Variants in SPATA17 observed in about 807,000 individuals in gnomAD.
SPATA17 encodes the protein spermatogenesis-associated protein 17.
In SPATA17, 53 loss-of-function variants were observed where a neutral mutation model predicts 62.2. The ratio of observed to expected loss-of-function variants is 0.85; its 90% CI spans 0.68 to 1.07. SPATA17 has a LOEUF of 1.07. Among genes scored for constraint, SPATA17 ranks in the 50% least tolerant of loss-of-function variants. The pLI is 0.00. For missense variants in SPATA17, 466 were observed against 425.5 expected (o/e 1.10, Z -0.84); for synonymous variants, 146 against 146.8 (o/e 0.99, Z 0.04).
In SPATA17 at chr1:217,730,219, AT is replaced by A. The variant is rs200764601; in HGVS notation, c.396-11740del. The stretch of plus-strand genomic sequence containing the variant: ...AATGAACAATGTCTTCAGTAAAGTG[AT>A]TTTTTTTTTTTTTTTGAGATGGAGT... On this transcript the variant is annotated intron_variant, in intron 5 of 10. Transcript: ENST00000366933. 8.5e-3 allele frequency among the ~76,000 whole-genome samples: 1,206 copies of A among 141,892 alleles called. 5 individuals carry two copies. Among genetic ancestry groups the A allele is most frequent in the African/African-American group, 0.021 (801 of 38,888 alleles). 93.1% of individuals were successfully genotyped at this position (141,892 alleles called of 152,430 possible). A position where few individuals can be genotyped will look rare whatever the true frequency, so the allele number is the denominator to read the frequency against.
rs1676118804 is a variant in SPATA17 at position 217,871,024 on chromosome 1, T to C, written c.*4005T>C. ...ACCATTTGTCATTTGAATGCGTGCA[T>C]TGTGGCCTGTTACTTTTAACTAGTC... On this transcript the variant is annotated 3_prime_UTR_variant, in exon 11 of 11. Transcript: ENST00000366933. 1 of 152,146 alleles carries C rather than the reference T, an allele frequency of 6.6e-6. No individual in the cohort carries two copies. Among genetic ancestry groups the C allele is most frequent in the Non-Finnish European group, 1.5e-5 (1 of 67,980 alleles). The allele number at this position is 152,146 out of a possible 1,614,324, so 9.4% of individuals were successfully genotyped here.
intron 5 of SPATA17, among the ~76,000 whole-genome samples, chr1:217,722,642 ATCTT>A (rs1286121377): frequency 1.3e-5 from 2 of 152,184 alleles, no homozygotes; most frequent in Admixed American, 6.5e-5. Context: ...CAAAGAATAA[ATCTT>A]TTTCCAATTA....
At chr1:217,747,456 G>A (rs1325707986) in intron 6 of SPATA17, among the ~76,000 whole-genome samples, 2 of 152,050 alleles carry the variant, frequency 1.3e-5, no homozygotes, top group Non-Finnish European at 2.9e-5. Flanking sequence ...TCTTCCTGGA[G>A]ATTAGAAAAA....
chr1:217,669,166 A>C, intron 4 of SPATA17, 83 bp downstream of exon 4: 6 of 1,221,182 alleles, frequency 4.9e-6, no homozygotes, highest in Non-Finnish European at 7.1e-6. Flanking sequence ...AAAGCAGAAT[A>C]ATGCAAATTT....
At chr1:217,758,711 G>T (rs1003863277) in intron 6 of SPATA17, among the ~76,000 whole-genome samples, 4 of 152,182 alleles carry the variant, frequency 2.6e-5, no homozygotes, top group Non-Finnish European at 4.4e-5. Flanking sequence ...ACTCAGATGA[G>T]CAAGGAACTA....
intron 6 of SPATA17, among the ~76,000 whole-genome samples, chr1:217,762,028 C>T (rs1673184016): frequency 6.6e-6 from 1 of 152,150 alleles, no homozygotes; most frequent in African/African-American, 2.4e-5. Flanking sequence ...TTTCTGACCT[C>T]CTTCATGAAA....
intron 6 of SPATA17, among the ~76,000 whole-genome samples, chr1:217,766,431 T>A (rs948451660): frequency 6.6e-6 from 1 of 152,012 alleles, no homozygotes; most frequent in African/African-American, 2.4e-5. Context: ...CAAGTAACAC[T>A]ATACCACTTC....
At chr1:217,711,243 G>C (rs988171372) in intron 5 of SPATA17, among the ~76,000 whole-genome samples, 1 of 152,096 alleles carries the variant, frequency 6.6e-6, no homozygotes, top group African/African-American at 2.4e-5. Flanking sequence ...CATCACCCAG[G>C]TAATAAACAT....
intron 7 of SPATA17, among the ~76,000 whole-genome samples, chr1:217,781,807 G>A (rs950742571): frequency 6.6e-6 from 1 of 151,914 alleles, no homozygotes; most frequent in Non-Finnish European, 1.5e-5. Context: ...CCTAATATTT[G>A]TATTTACTCA....
At chr1:217,688,237 TA>T (rs1291219790) in intron 5 of SPATA17, among the ~76,000 whole-genome samples, 4 of 151,744 alleles carry the variant, frequency 2.6e-5, no homozygotes, top group Non-Finnish European at 2.9e-5. Flanking sequence ...ACTCTTTCTC[TA>T]AAAAAAATAA....
At chr1:217,645,520 G>T (rs571452295) in intron 1 of SPATA17, among the ~76,000 whole-genome samples, 2 of 152,078 alleles carry the variant, frequency 1.3e-5, no homozygotes, top group African/African-American at 4.8e-5. Flanking sequence ...TAATTTAAAT[G>T]GACTATATTA....
intron 7 of SPATA17, among the ~76,000 whole-genome samples, chr1:217,778,509 A>T (rs1009878176): frequency 2.0e-5 from 3 of 152,188 alleles, no homozygotes; most frequent in African/African-American, 7.2e-5. Flanking sequence ...TGAGAGAGCA[A>T]GACTCCATCC....
chr1:217,645,653 A>T (rs1387250347), intron 1 of SPATA17, among the ~76,000 whole-genome samples: 1 of 152,142 alleles, frequency 6.6e-6, no homozygotes, highest in Non-Finnish European at 1.5e-5. Flanking sequence ...TTATTGAATG[A>T]AATTATTCTT....
At chr1:217,837,635 G>C (rs758326995) in intron 9 of SPATA17, among the ~76,000 whole-genome samples, 1 of 151,966 alleles carries the variant, frequency 6.6e-6, no homozygotes, top group African/African-American at 2.4e-5. Flanking sequence ...CTGGCCCTGC[G>C]TGTAGCTATA....
chr1:217,743,981 A>G (rs1056071943), intron 6 of SPATA17, among the ~76,000 whole-genome samples: 10 of 152,146 alleles, frequency 6.6e-5, no homozygotes, highest in African/African-American at 2.4e-4. Context: ...GATACTGAGT[A>G]TCTAGTGAAA....
intron 5 of SPATA17, among the ~76,000 whole-genome samples, chr1:217,707,896 GA>G (rs1202301395): frequency 6.6e-6 from 1 of 152,084 alleles, no homozygotes. Context: ...TCCTTGTTAA[GA>G]AAATTCCTCA....
At chr1:217,642,647 T>C (rs1210659226) in intron 1 of SPATA17, among the ~76,000 whole-genome samples, 1 of 152,150 alleles carries the variant, frequency 6.6e-6, no homozygotes, top group Non-Finnish European at 1.5e-5. Context: ...GCTGTTCTTG[T>C]GAAAGTGAGT....
intron 1 of SPATA17, among the ~76,000 whole-genome samples, chr1:217,639,854 T>C (rs978067888): frequency 6.6e-6 from 1 of 152,066 alleles, no homozygotes; most frequent in South Asian, 2.1e-4. Context: ...CTCAATGACA[T>C]GTGCATCTTC....
intron 3 of SPATA17, among the ~76,000 whole-genome samples, chr1:217,659,336 G>C (rs1670516042): frequency 6.6e-6 from 1 of 151,962 alleles, no homozygotes; most frequent in Non-Finnish European, 1.5e-5. Flanking sequence ...TTGAAATTAG[G>C]AATGAGCATA....
Sources: gnomAD v4.1 joint callset for allele counts (sites outside exome capture counted in the v4.1 genomes callset) on GRCh38, gnomAD v4.1.1 for gene constraint, MANE v1.5 for transcripts, NCBI Gene and HGNC (gene_info 2026-07-23, HGNC 2026-07-21) for gene names.